Variants in NRXN1 observed in about 807,000 individuals in gnomAD.
The protein encoded by NRXN1 is neurexin 1.
NRXN1 carries 39 observed loss-of-function variants against 150.9 expected under a neutral mutation model. The ratio of observed to expected loss-of-function variants is 0.26; its 90% CI spans 0.20 to 0.34. The LOEUF (loss-of-function observed/expected upper bound fraction) is 0.34, where lower values mean the gene tolerates loss of function less well. Among genes scored for constraint, NRXN1 ranks in the 10% least tolerant of loss-of-function variants. The probability of loss-of-function intolerance (pLI) is 1.00; values close to 1 mark genes in which losing one functional copy is unlikely to be tolerated. For synonymous variants in NRXN1, 924 were observed against 757.0 expected, an observed-to-expected ratio of 1.22 and a Z score of -3.62; for missense variants, 1,815 against 1,949.9, an observed-to-expected ratio of 0.93 and a Z score of 1.30.
intron 5 of NRXN1, among the ~76,000 whole-genome samples, chr2:50,865,924 G>T (rs67904906): frequency 0.15 from 22,175 of 151,070 alleles, 1,738 homozygotes; most frequent in Non-Finnish European, 0.16. Flanking sequence ...ATTAAATAAA[G>T]TCTCAGACCT....
chr2:50,012,020 A>C (rs945662502), intron 21 of NRXN1, among the ~76,000 whole-genome samples: 7 of 152,100 alleles, frequency 4.6e-5, no homozygotes, highest in African/African-American at 1.4e-4. Flanking sequence ...AGGCAAACAT[A>C]ATAGCCCAGG....
At chr2:50,980,698 G>A (rs1696651129) in intron 2 of NRXN1, among the ~76,000 whole-genome samples, 1 of 152,058 alleles carries the variant, frequency 6.6e-6, no homozygotes, top group African/African-American at 2.4e-5. Context: ...AGATGCTAAT[G>A]TAATTTGTTA....
chr2:50,902,908 G>T (rs917952330), intron 5 of NRXN1, among the ~76,000 whole-genome samples: 24 of 152,094 alleles, frequency 1.6e-4, no homozygotes, highest in African/African-American at 5.8e-4. Flanking sequence ...ACCTAAATCA[G>T]AACTACTACT....
chr2:50,528,688 T>A (rs201389007), intron 11 of NRXN1, 37 bp from the exon 12 acceptor site: 1 of 1,393,242 alleles, frequency 7.2e-7, no homozygotes, highest in Non-Finnish European at 1.0e-6. Context: ...TGAAAATTCA[T>A]CCTTCAAGGT....
intron 17 of NRXN1, among the ~76,000 whole-genome samples, chr2:50,361,533 G>A (rs1029204314): frequency 2.3e-4 from 35 of 152,204 alleles, no homozygotes; most frequent in African/African-American, 8.4e-4. Context: ...TACATTCCTG[G>A]ATATATACAC....
At chr2:50,029,162 G>A (rs962797217) in intron 21 of NRXN1, among the ~76,000 whole-genome samples, 18 of 152,170 alleles carry the variant, frequency 1.2e-4, no homozygotes, top group Middle Eastern at 6.4e-3. Flanking sequence ...TTCACCATGT[G>A]AGAGACAACA....
intron 12 of NRXN1, among the ~76,000 whole-genome samples, chr2:50,515,418 C>T (rs2092599765): frequency 6.6e-6 from 1 of 152,084 alleles, no homozygotes; most frequent in African/African-American, 2.4e-5. Context: ...ATCCTGAAAT[C>T]ACTCCCGTCT....
chr2:50,759,405 G>C (rs1429557501), intron 5 of NRXN1, among the ~76,000 whole-genome samples: 1 of 151,804 alleles, frequency 6.6e-6, no homozygotes, highest in Admixed American at 6.6e-5. Context: ...TAGGCAACTA[G>C]CACAGGTCAA....
chr2:50,236,648 T>A (rs1028895940), intron 18 of NRXN1, 141 bp downstream of exon 18: 4 of 763,412 alleles, frequency 5.2e-6, no homozygotes, highest in Non-Finnish European at 8.9e-6. Context: ...TGGTCTTATT[T>A]CCTCTAGATT....
At chr2:50,631,321 C>G (rs552464263) in intron 5 of NRXN1, 1 of 290,476 alleles carries the variant, frequency 3.4e-6, no homozygotes, top group Non-Finnish European at 6.7e-6. Context: ...AAGCTTCTAT[C>G]AAATAATTCA....
chr2:50,649,188 A>G (rs1434396685), intron 5 of NRXN1, among the ~76,000 whole-genome samples: 1 of 121,190 alleles, frequency 8.3e-6, no homozygotes, highest in African/African-American at 3.0e-5. Flanking sequence ...ATTATGTATT[A>G]GTTGGGAGGT....
At chr2:50,568,758 G>T (rs72835372) in intron 8 of NRXN1, among the ~76,000 whole-genome samples, 2 of 151,980 alleles carry the variant, frequency 1.3e-5, no homozygotes, top group African/African-American at 4.8e-5. Context: ...ACTAAAAATA[G>T]AACTACCATA....
chr2:50,765,189 C>A (rs1702244300), intron 5 of NRXN1, among the ~76,000 whole-genome samples: 2 of 151,970 alleles, frequency 1.3e-5, no homozygotes, highest in South Asian at 4.1e-4. Flanking sequence ...AGGGGGAAAA[C>A]CTTACTTTCC....
intron 17 of NRXN1, among the ~76,000 whole-genome samples, chr2:50,325,847 G>A (rs548811219): frequency 3.4e-4 from 51 of 152,208 alleles, no homozygotes; most frequent in Non-Finnish European, 6.3e-4. Context: ...GATAACATTT[G>A]TGAACATGTT....
In NRXN1 at chr2:50,683,631, C is replaced by CA. The variant is rs745831100; in HGVS notation, c.833-60017dup. 1.9e-3 allele frequency among the ~76,000 whole-genome samples: 16 copies of CA among 8,526 alleles called. 6 individuals carry two copies. The highest frequency in any genetic ancestry group is 2.5e-3 in the Non-Finnish European group (15 of 5,900). The allele number at this position is 8,526 out of a possible 152,430, so 5.6% of individuals were successfully genotyped here. The stretch of plus-strand genomic sequence containing the variant: ...TGGGTGACAGAGCAAGACTCCGTCT[C>CA]AAAAAAAAAAAAAAAATATATATAT... On this transcript the variant is annotated intron_variant, in intron 5 of 22. Coordinates refer to ENST00000401669, the MANE Select transcript of NRXN1 (RefSeq NM_001330078.2).
At chr2:50,485,885 G>A (rs2090836028) in intron 15 of NRXN1, among the ~76,000 whole-genome samples, 4 of 152,214 alleles carry the variant, frequency 2.6e-5, no homozygotes, top group African/African-American at 9.6e-5. Flanking sequence ...AAAGATAATT[G>A]CAGGAAAAGG....
At chr2:50,537,942 G>A (rs1293123354) in intron 10 of NRXN1, among the ~76,000 whole-genome samples, 1 of 152,150 alleles carries the variant, frequency 6.6e-6, no homozygotes, top group African/African-American at 2.4e-5. Context: ...ATGTTCTGAA[G>A]TTAAAAACTG....
chr2:50,840,669 C>A (rs565395677), intron 5 of NRXN1, among the ~76,000 whole-genome samples: 5 of 152,180 alleles, frequency 3.3e-5, no homozygotes, highest in African/African-American at 1.2e-4. Flanking sequence ...AAAAGAGAAG[C>A]GACATGGACA....
At chr2:50,964,444 AACTATTT>A (rs1693723845) in intron 2 of NRXN1, among the ~76,000 whole-genome samples, 9 of 151,520 alleles carry the variant, frequency 5.9e-5, no homozygotes, top group Non-Finnish European at 1.2e-4. Context: ...TAAAAGATGT[AACTATTT>A]AAAGGATGTA....
Sources: allele counts gnomAD v4.1 joint callset (sites outside exome capture counted in the v4.1 genomes callset), GRCh38; gene constraint gnomAD v4.1.1; transcripts MANE v1.5; gene names NCBI Gene and HGNC (gene_info 2026-07-23, HGNC 2026-07-21).